Variants in C5 observed in about 807,000 individuals in gnomAD.
The protein encoded by C5 is C3 and PZP-like alpha-2-macroglobulin domain-containing protein 4.
C5 carries 140 observed loss-of-function variants against 218.8 expected under a neutral mutation model. The ratio of observed to expected loss-of-function variants is 0.64; its 90% CI spans 0.56 to 0.74. C5 has a LOEUF of 0.74. C5 is among the 30% of genes least tolerant of loss of function. The pLI is 0.00. For synonymous variants in C5, 614 were observed against 682.3 expected (o/e 0.90, Z 1.56); for missense variants, 1,700 against 1,969.6 (o/e 0.86, Z 2.59).
At chr9:121,005,836 T>C (rs1587974277) in intron 20 of C5, 83 bp downstream of exon 20, 2 of 1,400,714 alleles carry the variant, frequency 1.4e-6, no homozygotes, top group East Asian at 2.3e-5. Context: ...TTCTACTTTT[T>C]TGTGTATGGT....
chr9:120,975,923 C>T (rs1468811828), intron 29 of C5, among the ~76,000 whole-genome samples: 1 of 152,142 alleles, frequency 6.6e-6, no homozygotes, highest in East Asian at 1.9e-4. Flanking sequence ...ATCTATAAAA[C>T]TGAGAAACAT....
Position 120,970,264 on chromosome 9 carries a change from C to G in C5, c.4081-13G>C. On this transcript the variant is annotated splice_polypyrimidine_tract_variant and intron_variant, in intron 31 of 40. Coordinates refer to ENST00000223642, the MANE Select transcript of C5 (RefSeq NM_001735.3). ...CTACAGTTGTTACCTACATTGGGGA[C>G]AAGTAAGCAAGAAGATTCTATTTAA... 1 of 1,561,614 alleles carries G rather than the reference C, an allele frequency of 6.4e-7. No homozygotes were observed. The highest frequency in any genetic ancestry group is 8.8e-7 in the Non-Finnish European group (1 of 1,132,678).
At chr9:120,957,124 A>G (rs1240095979) in intron 39 of C5, 161 bp downstream of exon 39, 6 of 591,084 alleles carry the variant, frequency 1.0e-5, no homozygotes, top group Non-Finnish European at 1.9e-5. Flanking sequence ...TTATACGAAC[A>G]TCTTTAAAAA....
the C5 span, among the ~76,000 whole-genome samples, chr9:121,056,779 T>TAG: frequency 3.3e-5 from 5 of 150,872 alleles, no homozygotes; most frequent in East Asian, 1.9e-4. Flanking sequence ...AAAGGGGATG[T>TAG]AGAGAGAGAG....
intron 39 of C5, among the ~76,000 whole-genome samples, chr9:120,954,463 T>A (rs41313629): frequency 0.024 from 3,701 of 152,348 alleles, 143 homozygotes; most frequent in African/African-American, 0.085. Flanking sequence ...CATGTTGGCC[T>A]CTTGAATTTC....
intron 28 of C5, among the ~76,000 whole-genome samples, 188 bp from the exon 29 acceptor site, chr9:120,977,093 G>A (rs905018448): frequency 6.6e-6 from 1 of 152,052 alleles, no homozygotes; most frequent in Non-Finnish European, 1.5e-5. Flanking sequence ...TTTACACATT[G>A]AGCATCCCTA....
intron 1 of C5, among the ~76,000 whole-genome samples, chr9:121,049,062 G>A (rs764753994): frequency 4.1e-4 from 62 of 152,122 alleles, no homozygotes; most frequent in African/African-American, 1.1e-3. Context: ...TTGTCTTACC[G>A]TTTGCTATAT....
In C5 at chr9:120,991,190, C is replaced by T; in HGVS notation, c.2941+1G>A. 6.4e-7 allele frequency: 1 copy of T among 1,550,478 alleles called. No individual in the cohort carries two copies. Among genetic ancestry groups the T allele is most frequent in the Non-Finnish European group, 8.9e-7 (1 of 1,122,056 alleles). On this transcript the variant is annotated splice_donor_variant, in intron 23 of 40. Coordinates refer to ENST00000223642, the MANE Select transcript of C5 (RefSeq NM_001735.3). LOFTEE classifies it high-confidence loss of function. ...AATAAAAATGGCATTTGTTAATTTACCTTTTACACTCAAAATCCTTTTGAT... is the reference window on the plus strand; with the variant it reads ...AATAAAAATGGCATTTGTTAATTTATCTTTTACACTCAAAATCCTTTTGAT...
chr9:121,072,859 CCT>C, the C5 span, among the ~76,000 whole-genome samples: 1 of 150,918 alleles, frequency 6.6e-6, no homozygotes, highest in African/African-American at 2.4e-5. Flanking sequence ...AATGTAATCT[CCT>C]CTTAAGTGGA....
At chr9:121,038,272 C>T (rs1275500090) in intron 3 of C5, among the ~76,000 whole-genome samples, 1 of 152,062 alleles carries the variant, frequency 6.6e-6, no homozygotes, top group Admixed American at 6.6e-5. Flanking sequence ...TGTAATTAGG[C>T]CATTATTTAT....
the C5 span, among the ~76,000 whole-genome samples, chr9:121,066,549 C>A: frequency 2.0e-5 from 3 of 151,608 alleles, no homozygotes; most frequent in African/African-American, 7.3e-5. Context: ...CATGCACTTA[C>A]GAACATAGCT....
At position 120,996,334 on chromosome 9, in the gene C5, C is replaced by T. The variant is rs369439205; in HGVS notation, c.2791-34G>A. On this transcript the variant is annotated intron_variant, in intron 21 of 40. Coordinates refer to ENST00000223642, the MANE Select transcript of C5 (RefSeq NM_001735.3). ...AAGGCAGAAAACATTCAGTTAAAAA[C>T]ATAAGTTTATATAACCTGAATTCCC... The T allele has an allele frequency of 5.7e-5, 90 of 1,573,354 alleles. 1 individual carries two copies. The African/African-American group carries it at 1.1e-3, about 18-fold the overall frequency.
rs41311925 is a variant in C5 at position 120,980,741 on chromosome 9, G to A, written c.3487-487C>T. Among the ~76,000 whole-genome samples, 1,355 of 151,538 alleles carry A rather than the reference G, an allele frequency of 8.9e-3. 26 individuals are homozygous for A. Among genetic ancestry groups the A allele is most frequent in the African/African-American group, 0.031 (1,281 of 41,368 alleles). On this transcript the variant is annotated intron_variant, in intron 27 of 40. Transcript: ENST00000223642. ...GAGTAGCTGGGACTACAGGCGCCCC[G>A]CCACCACGCCCGGCTAATTTTTTTT... is the stretch of plus-strand genomic sequence containing the variant.
the C5 span, among the ~76,000 whole-genome samples, chr9:121,071,990 T>A: frequency 1.3e-5 from 2 of 152,226 alleles, no homozygotes; most frequent in Admixed American, 6.5e-5. Flanking sequence ...TTGTCTGCGT[T>A]ACTTTCGTAT....
rs772694883 is a variant in C5 at position 120,952,748 on chromosome 9, A to C, written c.5022T>G (p.Asn1674Lys). The C allele has an allele frequency of 6.2e-7, 1 of 1,613,112 alleles. No homozygotes were observed. The highest frequency in any genetic ancestry group is 1.3e-5 in the African/African-American group (1 of 75,036). The change falls in exon 41 of 41, where the codon AAT becomes AAG. Residue 1674 changes from asparagine (N) to lysine (K), a missense_variant. By Grantham distance (94) the Asn-to-Lys change is moderately conservative. Transcript: ENST00000223642. ...CTGAACTTCAGGAATTTTAGCATCC[A>C]TTTAAAAAGATATCTTCGGCAAATT... ...LDEFAEDIFL[N>K]GC
At chr9:120,957,975 A>G (rs995284758) in intron 38 of C5, among the ~76,000 whole-genome samples, 8 of 152,230 alleles carry the variant, frequency 5.3e-5, no homozygotes, top group African/African-American at 1.7e-4. Flanking sequence ...TCAGGTCTGG[A>G]AAGACCAGCT....
At chr9:121,004,903 G>T (rs1444933786) in intron 20 of C5, among the ~76,000 whole-genome samples, 3 of 151,804 alleles carry the variant, frequency 2.0e-5, no homozygotes. Context: ...GTAATAGATT[G>T]CCATCTTTTA....
chr9:120,995,007 A>T (rs1162595954), intron 22 of C5, among the ~76,000 whole-genome samples: 1 of 152,166 alleles, frequency 6.6e-6, no homozygotes, highest in African/African-American at 2.4e-5. Context: ...AACCCTTGAA[A>T]CTTGTAATAT....
Position 121,000,318 on chromosome 9 carries a change from T to G in C5, c.2563-2544A>C, listed in dbSNP as rs114586291. On this transcript the variant is annotated intron_variant, in intron 20 of 40. Coordinates refer to ENST00000223642, the MANE Select transcript of C5 (RefSeq NM_001735.3). ...TTCAACAAACTAATTCCAAAGTTTATCTGGCAGAGTAAATGTGTAAGAATA... is the reference window on the plus strand; with the variant it reads ...TTCAACAAACTAATTCCAAAGTTTAGCTGGCAGAGTAAATGTGTAAGAATA... 7.6e-3 allele frequency among the ~76,000 whole-genome samples: 1,152 copies of G among 152,338 alleles called. 20 individuals carry two copies. The highest frequency in any genetic ancestry group is 0.026 in the African/African-American group (1,081 of 41,568).
Sources: allele counts gnomAD v4.1 joint callset (sites outside exome capture counted in the v4.1 genomes callset), GRCh38; gene constraint gnomAD v4.1.1; transcripts MANE v1.5; gene names NCBI Gene and HGNC (gene_info 2026-07-23, HGNC 2026-07-21).